The following COL24A1 variants were observed in gnomAD, a reference collection of about 807,000 sequenced individuals.
COL24A1 encodes the protein collagen type XXIV alpha 1 chain.
A neutral mutation model predicts 253.9 loss-of-function variants in COL24A1; 224 were observed. The ratio of observed to expected loss-of-function variants is 0.88; its 90% CI spans 0.79 to 0.99. COL24A1 has a LOEUF of 0.99. Among genes scored for constraint, COL24A1 ranks in the 50% least tolerant of loss-of-function variants. COL24A1 has a pLI of 0.00. For synonymous variants in COL24A1, 685 were observed against 673.7 expected (o/e 1.02, Z -0.26); for missense variants, 2,131 against 2,068.5 (o/e 1.03, Z -0.59).
chr1:86,059,016 ATTAT>A, intron 9 of COL24A1, 101 bp downstream of exon 9: 1 of 666,738 alleles, frequency 1.5e-6, no homozygotes, highest in Non-Finnish European at 2.4e-6. Flanking sequence ...TGAGTTATTC[ATTAT>A]TTAATAAAAA....
intron 8 of COL24A1, 48 bp downstream of exon 8, chr1:86,063,667 A>T: frequency 1.5e-6 from 2 of 1,352,456 alleles, no homozygotes; most frequent in Non-Finnish European, 2.0e-6. Flanking sequence ...GTTCTCTAAC[A>T]TGTGTCTTTT....
intron 11 of COL24A1, among the ~76,000 whole-genome samples, chr1:86,047,475 A>C (rs1699992492): frequency 6.6e-6 from 1 of 152,164 alleles, no homozygotes; most frequent in Non-Finnish European, 1.5e-5. Context: ...GTCTGCTCTT[A>C]CTTCCTGTAT....
chr1:85,747,829 C>T (rs1053852712), intron 55 of COL24A1, among the ~76,000 whole-genome samples: 3 of 152,156 alleles, frequency 2.0e-5, no homozygotes, highest in Non-Finnish European at 4.4e-5. Context: ...ACTGAACCCA[C>T]CTCAATGAAC....
rs1230061696 is a variant in COL24A1 at position 86,141,702 on chromosome 1, C to CTTTTTTTT, written c.121+4409_121+4416dup. Among the ~76,000 whole-genome samples, 7 of 142,258 alleles carry CTTTTTTTT rather than the reference C, an allele frequency of 4.9e-5. No homozygotes were observed. In the East Asian group the frequency reaches 1.2e-3, roughly 25 times the overall value. The allele number at this position is 142,258 out of a possible 152,430, so 93.3% of individuals were successfully genotyped here. On this transcript the variant is annotated intron_variant, in intron 2 of 59. Transcript: ENST00000370571. The stretch of plus-strand genomic sequence containing the variant: ...TGTTAAGCATATTTTTAGTGTCTTA[C>CTTTTTTTT]TTTTTTTTTTTTTTTTGAGACAGAG...
intron 10 of COL24A1, among the ~76,000 whole-genome samples, chr1:86,055,440 T>C (rs1700597473): frequency 1.3e-5 from 2 of 151,960 alleles, no homozygotes; most frequent in African/African-American, 2.4e-5. Flanking sequence ...AAAACAATTT[T>C]CAATACAAAT....
At chr1:85,994,281 G>A (rs188544685) in intron 19 of COL24A1, among the ~76,000 whole-genome samples, 6 of 151,824 alleles carry the variant, frequency 4.0e-5, no homozygotes, top group Admixed American at 2.0e-4. Flanking sequence ...CTGGTGTTGT[G>A]TATATATAGT....
intron 37 of COL24A1, among the ~76,000 whole-genome samples, chr1:85,862,552 C>T (rs1252718833): frequency 6.6e-6 from 1 of 152,132 alleles, no homozygotes; most frequent in Non-Finnish European, 1.5e-5. Flanking sequence ...CTGCATAGCT[C>T]CAACCCGTTT....
intron 14 of COL24A1, among the ~76,000 whole-genome samples, chr1:86,031,128 A>G (rs921448599): frequency 6.6e-6 from 1 of 152,182 alleles, no homozygotes; most frequent in African/African-American, 2.4e-5. Context: ...TATAAAAAAG[A>G]ATGAGATTCT....
intron 33 of COL24A1, among the ~76,000 whole-genome samples, chr1:85,876,088 T>C (rs986273336): frequency 2.0e-5 from 3 of 152,102 alleles, no homozygotes; most frequent in Middle Eastern, 3.4e-3. Context: ...CTAAAGGCCA[T>C]GAGAGCTCTT....
At position 85,965,008 on chromosome 1, in the gene COL24A1, C is replaced by A; in HGVS notation, c.2517+1G>T. 6.2e-7 allele frequency: 1 copy of A among 1,609,314 alleles called. No individual in the cohort carries two copies. The highest frequency in any genetic ancestry group is 8.5e-7 in the Non-Finnish European group (1 of 1,177,088). On this transcript the variant is annotated splice_donor_variant, in intron 23 of 59. Coordinates refer to ENST00000370571, the MANE Select transcript of COL24A1 (RefSeq NM_152890.7). LOFTEE classifies it high-confidence loss of function. ...ACTGATAATAAAGTCAGTTGCTTTA[C>A]CTTTAAGCCTTCTGGTCCTGGTTCA...
At chr1:85,847,296 C>T (rs1037342299) in intron 39 of COL24A1, among the ~76,000 whole-genome samples, 25 of 152,170 alleles carry the variant, frequency 1.6e-4, no homozygotes, top group African/African-American at 6.0e-4. Context: ...TCAAGTAAAC[C>T]TAATTTTCAA....
intron 19 of COL24A1, among the ~76,000 whole-genome samples, chr1:85,989,475 C>T (rs1393747296): frequency 6.6e-6 from 1 of 152,106 alleles, no homozygotes; most frequent in African/African-American, 2.4e-5. Context: ...CCTCCACAAC[C>T]CTAGGGCAAG....
intron 53 of COL24A1, among the ~76,000 whole-genome samples, chr1:85,762,061 T>C (rs998101156): frequency 6.6e-6 from 1 of 152,216 alleles, no homozygotes; most frequent in African/African-American, 2.4e-5. Context: ...TAATTAGTAT[T>C]AATTTAGAAA....
At chr1:85,770,202 C>A (rs1231984769) in intron 53 of COL24A1, among the ~76,000 whole-genome samples, 2 of 152,088 alleles carry the variant, frequency 1.3e-5, no homozygotes, top group Non-Finnish European at 2.9e-5. Context: ...ATTTAAATAT[C>A]CTTTTGTGAT....
intron 23 of COL24A1, among the ~76,000 whole-genome samples, chr1:85,964,808 A>G (rs577484235): frequency 6.6e-6 from 1 of 152,244 alleles, no homozygotes; most frequent in African/African-American, 2.4e-5. Context: ...GGTCCCATGC[A>G]TTTCAGATAG....
intron 47 of COL24A1, among the ~76,000 whole-genome samples, chr1:85,810,785 C>T (rs918230983): frequency 6.6e-6 from 1 of 152,160 alleles, no homozygotes; most frequent in Non-Finnish European, 1.5e-5. Flanking sequence ...TCCTTAAAAG[C>T]TGAATAGGTT....
At chr1:85,888,161 G>A (rs1682728462) in intron 32 of COL24A1, among the ~76,000 whole-genome samples, 1 of 151,762 alleles carries the variant, frequency 6.6e-6, no homozygotes, top group African/African-American at 2.4e-5. Context: ...GAATTAGTCT[G>A]TCCACTTCTT....
chr1:85,908,581 G>A lies in COL24A1; in HGVS notation c.2724+17C>T. On this transcript the variant is annotated intron_variant, in intron 27 of 59. Transcript: ENST00000370571. ...TAAACATTCCGGAAGGAATCATAAA[G>A]TCTTTCCTGTACTTACAGGTAATCC... 1.5e-6 allele frequency: 2 copies of A among 1,377,772 alleles called. No homozygotes were observed. Among genetic ancestry groups the A allele is most frequent in the South Asian group, 1.5e-5 (1 of 68,030 alleles). 85.3% of individuals were successfully genotyped at this position (1,377,772 alleles called of 1,614,324 possible).
At chr1:85,822,310 A>G (rs1180424539) in intron 45 of COL24A1, among the ~76,000 whole-genome samples, 2 of 152,206 alleles carry the variant, frequency 1.3e-5, no homozygotes, top group Non-Finnish European at 1.5e-5. Context: ...TGCTTAACAA[A>G]TCAGGAGAAA....
Sources: allele counts gnomAD v4.1 joint callset (sites outside exome capture counted in the v4.1 genomes callset), GRCh38; gene constraint gnomAD v4.1.1; transcripts MANE v1.5; gene names NCBI Gene and HGNC (gene_info 2026-07-23, HGNC 2026-07-21).